The following CDH20 variants were observed in gnomAD, a reference collection of about 807,000 sequenced individuals.
CDH20 encodes cadherin 20, also known as cadherin-20.
CDH20 carries 29 observed loss-of-function variants against 74.2 expected under a neutral mutation model. The observed-to-expected ratio is 0.39, with a 90% CI of 0.29 to 0.53. The LOEUF (loss-of-function observed/expected upper bound fraction) is 0.53. Among genes scored for constraint, CDH20 ranks in the 20% least tolerant of loss-of-function variants. The pLI, the probability that CDH20 is intolerant of heterozygous loss-of-function variation, is 0.69. For synonymous variants in CDH20, 469 were observed against 405.4 expected (o/e 1.16, Z -1.88); for missense variants, 988 against 1,048.3 (o/e 0.94, Z 0.79).
chr18:61,385,511 T>C (rs981211707), intron 1 of CDH20, among the ~76,000 whole-genome samples: 1 of 151,298 alleles, frequency 6.6e-6, no homozygotes, highest in African/African-American at 2.4e-5. Flanking sequence ...AGTAAAAATA[T>C]GTAATATCAA....
intron 1 of CDH20, among the ~76,000 whole-genome samples, chr18:61,427,469 G>A (rs1913109916): frequency 6.6e-6 from 1 of 152,076 alleles, no homozygotes; most frequent in African/African-American, 2.4e-5. Context: ...TAACCATTAT[G>A]CTGTACTGAA....
intron 1 of CDH20, among the ~76,000 whole-genome samples, chr18:61,476,792 G>T (rs895545267): frequency 5.9e-5 from 9 of 152,190 alleles, no homozygotes; most frequent in Admixed American, 3.9e-4. Context: ...GCTTCACTTT[G>T]CATTAATGTA....
At chr18:61,367,694 A>T (rs1183484258) in intron 1 of CDH20, among the ~76,000 whole-genome samples, 1 of 152,114 alleles carries the variant, frequency 6.6e-6, no homozygotes, top group Non-Finnish European at 1.5e-5. Flanking sequence ...AACCTGCATT[A>T]GTTTCCTGGG....
intron 11 of CDH20, among the ~76,000 whole-genome samples, chr18:61,550,435 T>C (rs1051190781): frequency 2.0e-5 from 3 of 152,228 alleles, no homozygotes; most frequent in African/African-American, 4.8e-5. Context: ...TCAAAGCACA[T>C]ATACTTATAA....
At chr18:61,402,293 C>T (rs1912180170) in intron 1 of CDH20, among the ~76,000 whole-genome samples, 1 of 152,184 alleles carries the variant, frequency 6.6e-6, no homozygotes, top group South Asian at 2.1e-4. Context: ...AAGGCTCATT[C>T]TTCACCCTGC....
intron 1 of CDH20, among the ~76,000 whole-genome samples, chr18:61,489,148 T>C (rs916757205): frequency 6.6e-6 from 1 of 152,250 alleles, no homozygotes; most frequent in African/African-American, 2.4e-5. Context: ...AAATGATTTA[T>C]TATACAGAAA....
chr18:61,534,541 G>T (rs565967723), intron 7 of CDH20, among the ~76,000 whole-genome samples: 1 of 152,090 alleles, frequency 6.6e-6, no homozygotes, highest in Admixed American at 6.6e-5. Context: ...TGGAATATTC[G>T]TTTCAGCCTT....
intron 1 of CDH20, among the ~76,000 whole-genome samples, chr18:61,360,321 G>A (rs919098133): frequency 9.9e-5 from 15 of 152,212 alleles, no homozygotes; most frequent in African/African-American, 3.6e-4. Flanking sequence ...TCAAAAGTTG[G>A]CAATAGTAGA....
intron 1 of CDH20, among the ~76,000 whole-genome samples, chr18:61,463,176 TC>T (rs1909845495): frequency 6.6e-6 from 1 of 152,152 alleles, no homozygotes; most frequent in South Asian, 2.1e-4. Context: ...CCCTCTGGGA[TC>T]CTTCTCGCTT....
At chr18:61,348,084 G>A (rs140725374) in intron 1 of CDH20, among the ~76,000 whole-genome samples, 1 of 152,058 alleles carries the variant, frequency 6.6e-6, no homozygotes, top group South Asian at 2.1e-4. Flanking sequence ...CTTTCTCCTG[G>A]TTATAATTGA....
In CDH20 at chr18:61,505,331, A is replaced by G. The variant is rs992856689; in HGVS notation, c.830-2042A>G. Among the ~76,000 whole-genome samples, 9 of 124,534 alleles carry G rather than the reference A, an allele frequency of 7.2e-5. No individual in the cohort carries two copies. In the East Asian group the frequency reaches 2.0e-3, roughly 27 times the overall value. The allele number at this position is 124,534 out of a possible 152,430, so 81.7% of individuals were successfully genotyped here. On this transcript the variant is annotated intron_variant, in intron 5 of 11. Transcript: ENST00000262717. ...GGTTTTAGTCTTGCCTCCGAAACCA[A>G]TATCTTTTTTTTTTTTTTTTTTTTG...
chr18:61,473,915 A>G (rs1485414644), intron 1 of CDH20, among the ~76,000 whole-genome samples: 1 of 152,234 alleles, frequency 6.6e-6, no homozygotes, highest in Non-Finnish European at 1.5e-5. Flanking sequence ...TGCACTTGGA[A>G]AAGGTAGCTC....
At chr18:61,537,186 T>C (rs1912845358) in intron 8 of CDH20, among the ~76,000 whole-genome samples, 1 of 152,046 alleles carries the variant, frequency 6.6e-6, no homozygotes, top group Admixed American at 6.6e-5. Flanking sequence ...TTTTTTTCCA[T>C]ACTGGTGATA....
Position 61,362,755 on chromosome 18 carries a change from GACTA to G in CDH20, c.-153+28933_-153+28936del, listed in dbSNP as rs759026300. 2.9e-3 allele frequency among the ~76,000 whole-genome samples: 438 copies of G among 152,134 alleles called. 3 individuals carry two copies. The highest frequency in any genetic ancestry group is 0.01 in the African/African-American group (419 of 41,490). On this transcript the variant is annotated intron_variant, in intron 1 of 11. Transcript: ENST00000262717. ...AAGTACTACATAGTAGACTTAGTATGACTAACTACTATGACATAGTAGACTTAGT... is the reference window on the plus strand; with the variant it reads ...AAGTACTACATAGTAGACTTAGTATGACTACTATGACATAGTAGACTTAGT...
At chr18:61,404,755 TA>T (rs1226795025) in intron 1 of CDH20, 4 of 342,760 alleles carry the variant, frequency 1.2e-5, no homozygotes, top group African/African-American at 2.2e-5. Context: ...CCTTGGCAGT[TA>T]AAAAAATGGA....
chr18:61,449,902 A>G (rs1568143966), intron 1 of CDH20, among the ~76,000 whole-genome samples: 1 of 152,088 alleles, frequency 6.6e-6, no homozygotes, highest in Non-Finnish European at 1.5e-5. Flanking sequence ...GACATGGGAT[A>G]AATTATATTG....
intron 1 of CDH20, among the ~76,000 whole-genome samples, chr18:61,485,628 T>C (rs185806442): frequency 1.3e-5 from 2 of 152,276 alleles, no homozygotes; most frequent in Admixed American, 6.5e-5. Context: ...GCCTCAAAAA[T>C]GCACTTAGAA....
intron 6 of CDH20, among the ~76,000 whole-genome samples, chr18:61,508,645 T>A (rs941212316): frequency 2.8e-5 from 4 of 143,624 alleles, no homozygotes; most frequent in Non-Finnish European, 3.1e-5. Flanking sequence ...TATTATTATT[T>A]TTCATGTTCG....
chr18:61,401,501 G>A (rs1682930704), intron 1 of CDH20, among the ~76,000 whole-genome samples: 1 of 152,268 alleles, frequency 6.6e-6, no homozygotes, highest in Non-Finnish European at 1.5e-5. Context: ...AAGATAAAGT[G>A]ACTTAGATAC....
Sources: gnomAD v4.1 joint callset for allele counts (sites outside exome capture counted in the v4.1 genomes callset) on GRCh38, gnomAD v4.1.1 for gene constraint, MANE v1.5 for transcripts, NCBI Gene and HGNC (gene_info 2026-07-23, HGNC 2026-07-21) for gene names.